The following NFIB variants were observed in gnomAD, a reference collection of about 807,000 sequenced individuals.
The protein encoded by NFIB is nuclear factor 1 B-type.
NFIB carries 11 observed loss-of-function variants against 61.5 expected under a neutral mutation model. The ratio of observed to expected loss-of-function variants is 0.18; its 90% CI spans 0.11 to 0.30. The LOEUF (loss-of-function observed/expected upper bound fraction) is 0.30. Among genes scored for constraint, NFIB ranks in the 10% least tolerant of loss-of-function variants. The pLI is 1.00. For missense variants in NFIB, 471 were observed against 608.9 expected (o/e 0.77, Z 2.38); for synonymous variants, 260 against 216.5 (o/e 1.20, Z -1.76).
At chr9:14,482,095 G>A in the NFIB span, among the ~76,000 whole-genome samples, 1 of 96,622 alleles carries the variant, frequency 1.0e-5, no homozygotes, top group Non-Finnish European at 1.9e-5. Context: ...ACCACCACCA[G>A]ACCTTCCTGA....
chr9:14,197,632 T>C (rs2048605462), intron 2 of NFIB, among the ~76,000 whole-genome samples: 1 of 152,210 alleles, frequency 6.6e-6, no homozygotes, highest in African/African-American at 2.4e-5. Flanking sequence ...CTGTTTATTT[T>C]CAACAGAAGA....
At chr9:14,497,061 A>C in the NFIB span, among the ~76,000 whole-genome samples, 1 of 152,236 alleles carries the variant, frequency 6.6e-6, no homozygotes, top group Non-Finnish European at 1.5e-5. Context: ...GTACTCACAA[A>C]GTCACGAGAA....
chr9:14,331,342 G>C (rs2060818728), intron 1 of NFIB, among the ~76,000 whole-genome samples: 1 of 152,224 alleles, frequency 6.6e-6, no homozygotes, highest in Admixed American at 6.5e-5. Context: ...GAAACTACTA[G>C]ATGAATGGGG....
intron 1 of NFIB, among the ~76,000 whole-genome samples, chr9:14,373,604 G>T (rs2061383189): frequency 6.6e-6 from 1 of 150,676 alleles, no homozygotes; most frequent in Non-Finnish European, 1.5e-5. Context: ...ACAGTTTCTT[G>T]TAGAAAGACA....
At chr9:14,300,332 A>C (rs778138750) in intron 2 of NFIB, 3 of 397,578 alleles carry the variant, frequency 7.5e-6, no homozygotes, top group Non-Finnish European at 1.3e-5. Context: ...CTCCTTCACA[A>C]GGATGGAGGG....
Position 14,120,555 on chromosome 9 carries a change from G to A in NFIB, c.1130C>T (p.Ala377Val). 4 of 1,613,894 alleles carry A rather than the reference G, an allele frequency of 2.5e-6. No individual in the cohort carries two copies. The highest frequency in any genetic ancestry group is 2.5e-6 in the Non-Finnish European group (3 of 1,179,940). ...TGGATGAGAAAAGTAGCTCGATGGG[G>A]CTGGAGGAAGGATAGCTTGTGTTGG... is the stretch of plus-strand genomic sequence containing the variant. ...PFPTQAILPPAPSSYFSHPTI... is the reference protein window; with the variant it reads ...PFPTQAILPPVPSSYFSHPTI... Residue 377 changes from alanine (A) to valine (V), a missense_variant, in exon 8 of 11, where the codon GCC (alanine) becomes GTC (valine). This residue lies in a region of NFIB where 372 missense variants were observed against 395.6 expected (regional missense o/e 0.94). Transcript: ENST00000380953. The surrounding 1 kb of genome is among the most constrained non-coding windows in gnomAD (Gnocchi z 4.4).
At chr9:14,478,400 G>C in the NFIB span, among the ~76,000 whole-genome samples, 1 of 152,150 alleles carries the variant, frequency 6.6e-6, no homozygotes, top group African/African-American at 2.4e-5. Context: ...ATACAGAACA[G>C]GTTAGACTTC....
upstream of NFIB, chr9:14,314,335 G>T: frequency 5.9e-6 from 1 of 170,098 alleles, no homozygotes; most frequent in South Asian, 1.9e-4. Flanking sequence ...CCGCCCGCCC[G>T]CCCGCCTCGC....
intron 3 of NFIB, among the ~76,000 whole-genome samples, chr9:14,170,500 G>C (rs1327501980): frequency 1.3e-5 from 2 of 152,080 alleles, no homozygotes; most frequent in Admixed American, 6.5e-5. Flanking sequence ...AAATTAGCTG[G>C]GCATGGTGGC....
intron 2 of NFIB, among the ~76,000 whole-genome samples, chr9:14,234,483 C>T (rs2053537272): frequency 2.0e-5 from 3 of 151,856 alleles, no homozygotes; most frequent in Admixed American, 1.3e-4. Flanking sequence ...AACTCTCCTT[C>T]CTTAGCCTCC....
chr9:14,153,069 G>A (rs542671091), intron 4 of NFIB, among the ~76,000 whole-genome samples: 2 of 152,092 alleles, frequency 1.3e-5, no homozygotes, highest in Non-Finnish European at 2.9e-5. Flanking sequence ...TGTTTGAGAT[G>A]ACAGATATCC....
At chr9:14,248,537 C>A (rs907370290) in intron 2 of NFIB, among the ~76,000 whole-genome samples, 9 of 152,126 alleles carry the variant, frequency 5.9e-5, no homozygotes, top group African/African-American at 2.2e-4. Context: ...TCCCCAAATC[C>A]TGGGATTACA....
Position 14,150,164 on chromosome 9 carries a change from G to C in NFIB, c.787C>G (p.Leu263Val), listed in dbSNP as rs1359490761. ...CAGTACCTGCTTGGTGGAGAAGACA[G>C]AGACCTCTGAAGATTGACCCCCGAG... ...MNSGVNLQRS[L>V]SSPPSSKRPK... The change falls in exon 5 of 11, where the codon CTG (leucine) becomes GTG (valine). Residue 263 changes from leucine to valine, a missense_variant. Coordinates refer to ENST00000380953, the MANE Select transcript of NFIB (RefSeq NM_001190737.2). The C allele has an allele frequency of 1.2e-6, 2 of 1,613,320 alleles. No individual in the cohort carries two copies. The highest frequency in any genetic ancestry group is 2.7e-5 in the African/African-American group (2 of 74,858).
chr9:14,233,249 ATAGT>A (rs2053391685), intron 2 of NFIB, among the ~76,000 whole-genome samples: 2 of 152,162 alleles, frequency 1.3e-5, no homozygotes, highest in Non-Finnish European at 2.9e-5. Context: ...AATGTAAGTA[ATAGT>A]TAAACTATTT....
rs575447619 is a variant in NFIB at position 14,354,552 on chromosome 9, C to G, written c.108+43972G>C. Among the ~76,000 whole-genome samples the G allele has an allele frequency of 5.3e-5, 8 of 152,270 alleles. No individual in the cohort carries two copies. The South Asian group carries it at 1.7e-3, about 32-fold the overall frequency. On this transcript the variant is annotated intron_variant, in intron 1 of 8. Coordinates refer to the NFIB transcript ENST00000380934. ...AGACCAATTTGAGAGTACGGTCTCTCTAAGGGGCTACATGGTTGGGTTTCC... is the reference window on the plus strand; with the variant it reads ...AGACCAATTTGAGAGTACGGTCTCTGTAAGGGGCTACATGGTTGGGTTTCC...
At chr9:14,125,814 C>G (rs1356133433) in intron 6 of NFIB, 48 bp from the exon 7 acceptor site, 4 of 1,595,458 alleles carry the variant, frequency 2.5e-6, no homozygotes, top group African/African-American at 2.7e-5. Context: ...TTCTTAAGCT[C>G]TAAGGTTCAT....
At chr9:14,452,287 T>C in the NFIB span, among the ~76,000 whole-genome samples, 1 of 151,768 alleles carries the variant, frequency 6.6e-6, no homozygotes, top group Admixed American at 6.6e-5. Flanking sequence ...CCTTACTGTT[T>C]TCATTGTATC....
the NFIB span, among the ~76,000 whole-genome samples, chr9:14,524,743 C>T: frequency 0.063 from 9,571 of 152,280 alleles, 315 homozygotes; most frequent in Non-Finnish European, 0.066. Flanking sequence ...CATCATACAA[C>T]GTTTTAGCAG....
the NFIB span, among the ~76,000 whole-genome samples, chr9:14,472,643 C>T: frequency 5.4e-4 from 82 of 152,108 alleles, no homozygotes; most frequent in African/African-American, 1.9e-3. Flanking sequence ...AGACTGAAAC[C>T]ATCCTGGCTA....
Sources: allele counts gnomAD v4.1 joint callset (sites outside exome capture counted in the v4.1 genomes callset), GRCh38; gene constraint gnomAD v4.1.1; regional missense constraint gnomAD v4.1.1; non-coding constraint Gnocchi (gnomAD v3.1); transcripts MANE v1.5; gene names NCBI Gene and HGNC (gene_info 2026-07-23, HGNC 2026-07-21).